Variants in DOCK9 observed in about 807,000 individuals in gnomAD.
The protein encoded by DOCK9 is dedicator of cytokinesis protein 9.
DOCK9 carries 89 observed loss-of-function variants against 263.3 expected under a neutral mutation model. That is an observed-to-expected ratio of 0.34 (90% CI 0.28 to 0.40). The LOEUF is 0.40. Among genes scored for constraint, DOCK9 ranks in the 10% least tolerant of loss-of-function variants. DOCK9 has a pLI of 1.00. For synonymous variants in DOCK9, 976 were observed against 973.1 expected, an observed-to-expected ratio of 1.00 and a Z score of -0.06; for missense variants, 2,140 against 2,603.4, an observed-to-expected ratio of 0.82 and a Z score of 3.87.
chr13:99,042,132 G>A (rs1403209105), intron 1 of DOCK9, among the ~76,000 whole-genome samples: 1 of 152,166 alleles, frequency 6.6e-6, no homozygotes, highest in Non-Finnish European at 1.5e-5. Context: ...ATTTTCTGGT[G>A]GCCTTTAATT....
chr13:98,882,100 T>G, intron 23 of DOCK9, 93 bp from the exon 24 acceptor site: 1 of 1,061,960 alleles, frequency 9.4e-7, no homozygotes, highest in Non-Finnish European at 1.4e-6. Context: ...ATGGAAGAAC[T>G]CCCTCTAAAA....
chr13:98,879,402 C>G (rs9584960), intron 27 of DOCK9, among the ~76,000 whole-genome samples: 19,794 of 152,126 alleles, frequency 0.13, 1,335 homozygotes, highest in South Asian at 0.2. Context: ...CTGTTGATTG[C>G]TTTTGGAGAA....
Position 98,797,226 on chromosome 13 carries a change from G to A in DOCK9, c.6045C>T (p.Ala2015=), listed in dbSNP as rs1352981615. Residue 2015 remains alanine (A), a synonymous_variant, in exon 52 of 53, where the codon GCC becomes GCT. Coordinates refer to ENST00000682017, the MANE Select transcript of DOCK9 (RefSeq NM_001366683.2). The part of the protein sequence containing the change: ...FRQFVEACGQ[A]LAVNERLIKE... ...TAATCAGACGTTCGTTTACCGCTAA[G>A]GCTTGACCGCAAGCTTCCACAAATT... The A allele has an allele frequency of 6.2e-7, 1 of 1,613,942 alleles. No homozygotes were observed. The highest frequency in any genetic ancestry group is 8.5e-7 in the Non-Finnish European group (1 of 1,179,892).
chr13:98,833,325 T>G (rs1373094168), intron 39 of DOCK9, among the ~76,000 whole-genome samples: 1 of 152,130 alleles, frequency 6.6e-6, no homozygotes, highest in Non-Finnish European at 1.5e-5. Flanking sequence ...GAATTTACAT[T>G]CCTAATTATG....
In DOCK9 at chr13:98,885,706, A is replaced by G; in HGVS notation, c.2260+2T>C. Reference sequence around the variant, plus strand: ...ATCAAAGGAATGGTAAGCCCCCCCAACCTTGGGTTTCAACGACATCCCTCT... The same window carrying G: ...ATCAAAGGAATGGTAAGCCCCCCCAGCCTTGGGTTTCAACGACATCCCTCT... On this transcript the variant is annotated splice_donor_variant, in intron 20 of 52. Transcript: ENST00000682017. LOFTEE classifies it high-confidence loss of function. The G allele has an allele frequency of 6.2e-7, 1 of 1,609,562 alleles. No individual in the cohort carries two copies. Among genetic ancestry groups the G allele is most frequent in the Non-Finnish European group, 8.5e-7 (1 of 1,178,776 alleles).
chr13:98,941,848 C>T (rs1185482374), intron 2 of DOCK9, among the ~76,000 whole-genome samples: 6 of 152,296 alleles, frequency 3.9e-5, no homozygotes, highest in Non-Finnish European at 8.8e-5. Flanking sequence ...AGTAACCTGG[C>T]GTCTGCCAAG....
chr13:98,859,782 T>A (rs2141837848), intron 33 of DOCK9: 1 of 148,202 alleles, frequency 6.7e-6, no homozygotes, highest in East Asian at 1.9e-4. Context: ...TGTAAACTGC[T>A]ATCTCTGAGG....
At chr13:99,083,186 C>T (rs1035991067) in intron 1 of DOCK9, among the ~76,000 whole-genome samples, 29 of 151,306 alleles carry the variant, frequency 1.9e-4, no homozygotes, top group East Asian at 7.8e-4. Context: ...ATCTGGGAGG[C>T]GGAGGTTGCA....
intron 39 of DOCK9, among the ~76,000 whole-genome samples, chr13:98,833,876 A>G (rs1287472104): frequency 6.6e-6 from 1 of 152,234 alleles, no homozygotes; most frequent in Non-Finnish European, 1.5e-5. Flanking sequence ...GAACATTCAG[A>G]AAGCCTCACA....
intron 32 of DOCK9, 148 bp from the exon 33 acceptor site, chr13:98,860,670 G>A (rs1386807428): frequency 6.0e-6 from 4 of 664,266 alleles, no homozygotes; most frequent in Non-Finnish European, 9.8e-6. Context: ...CTTGAGGCGT[G>A]GGTGAGGGTG....
At chr13:98,990,863 G>C (rs1325304434) in intron 1 of DOCK9, among the ~76,000 whole-genome samples, 1 of 152,154 alleles carries the variant, frequency 6.6e-6, no homozygotes, top group Non-Finnish European at 1.5e-5. Flanking sequence ...GTAGTCAAAA[G>C]AACCAAAAGG....
intron 1 of DOCK9, among the ~76,000 whole-genome samples, chr13:99,049,364 G>GT (rs1434889242): frequency 6.6e-6 from 1 of 152,182 alleles, no homozygotes; most frequent in Non-Finnish European, 1.5e-5. Context: ...GGGAGGCATG[G>GT]TGTGGCCATG....
intron 9 of DOCK9, among the ~76,000 whole-genome samples, chr13:98,913,577 C>T (rs1258557102): frequency 6.6e-6 from 1 of 152,020 alleles, no homozygotes; most frequent in Non-Finnish European, 1.5e-5. Context: ...CTGTATATAT[C>T]ATTATGATAG....
intron 1 of DOCK9, among the ~76,000 whole-genome samples, chr13:98,971,963 C>T (rs763131857): frequency 1.3e-5 from 2 of 152,166 alleles, no homozygotes; most frequent in Non-Finnish European, 2.9e-5. Context: ...TTTTTAAGAG[C>T]AGTGTGTTTT....
intron 3 of DOCK9, among the ~76,000 whole-genome samples, chr13:98,926,394 A>T (rs565746515): frequency 4.6e-5 from 7 of 152,302 alleles, no homozygotes; most frequent in Non-Finnish European, 1.0e-4. Flanking sequence ...CTTTCCATTC[A>T]TAAGGAAAAG....
At position 98,867,664 on chromosome 13, in the gene DOCK9, T is replaced by C. The variant is rs1011966810; in HGVS notation, c.3175-128A>G. 8 of 691,954 alleles carry C rather than the reference T, an allele frequency of 1.2e-5. No homozygotes were observed. The African/African-American group carries it at 1.2e-4, about 11-fold the overall frequency. 42.9% of individuals were successfully genotyped at this position (691,954 alleles called of 1,614,324 possible). On this transcript the variant is annotated intron_variant, in intron 29 of 52. Transcript: ENST00000682017. ...TTGACCTTCTTAGAACTGCACACTC[T>C]ATTGCACTGTACAGATTTCAGGATG...
At chr13:98,873,644 A>G (rs2094248246) in intron 27 of DOCK9, among the ~76,000 whole-genome samples, 1 of 152,226 alleles carries the variant, frequency 6.6e-6, no homozygotes, top group East Asian at 1.9e-4. Context: ...TGGCTCCAGC[A>G]TGGATGTGGT....
At chr13:99,068,015 C>G (rs1328784197) in intron 1 of DOCK9, among the ~76,000 whole-genome samples, 17 of 152,214 alleles carry the variant, frequency 1.1e-4, no homozygotes, top group Admixed American at 9.2e-4. Flanking sequence ...CCCAGTACCC[C>G]ACATGTGGTT....
intron 1 of DOCK9, among the ~76,000 whole-genome samples, chr13:99,079,184 A>G (rs146241492): frequency 3.7e-4 from 57 of 152,376 alleles, no homozygotes; most frequent in African/African-American, 1.2e-3. Context: ...ACTTAACACT[A>G]TGACCAAGAG....
Sources: allele counts gnomAD v4.1 joint callset (sites outside exome capture counted in the v4.1 genomes callset), GRCh38; gene constraint gnomAD v4.1.1; transcripts MANE v1.5; gene names NCBI Gene and HGNC (gene_info 2026-07-23, HGNC 2026-07-21).